CPED1: variants seen among roughly 807,000 people sequenced by gnomAD.
CPED1 encodes the protein cadherin-like and PC-esterase domain-containing protein 1.
Under a neutral mutation model 128.2 loss-of-function variants are expected in CPED1, and 114 were observed. The ratio of observed to expected loss-of-function variants is 0.89; its 90% CI spans 0.76 to 1.04. The LOEUF is 1.04. Among genes scored for constraint, CPED1 ranks in the 50% least tolerant of loss-of-function variants. The pLI is 0.00. For missense variants in CPED1, 1,211 were observed against 1,207.1 expected, an observed-to-expected ratio of 1.00 and a Z score of -0.05; for synonymous variants, 462 against 426.7, an observed-to-expected ratio of 1.08 and a Z score of -1.02.
In CPED1 at chr7:121,080,501, T is replaced by G. The variant is rs116377108; in HGVS notation, c.616+16188T>G. ...TGCAGAAGTGGTCAAACTTTTTATT[T>G]TGAAGCCATCAGGGGCTCTGCCTGG... On this transcript the variant is annotated intron_variant, in intron 5 of 22. Transcript: ENST00000310396. 7.5e-3 allele frequency among the ~76,000 whole-genome samples: 1,147 copies of G among 152,246 alleles called. 16 individuals are homozygous for G. The highest frequency in any genetic ancestry group is 0.026 in the African/African-American group (1,066 of 41,546).
At chr7:121,236,899 T>G (rs561394220) in intron 17 of CPED1, 68 bp downstream of exon 17, 1 of 712,090 alleles carries the variant, frequency 1.4e-6, no homozygotes, top group Non-Finnish European at 2.3e-6. Context: ...TGTATGCTTA[T>G]TTAAACTATC....
chr7:121,137,214 C>T (rs1309791978), intron 14 of CPED1, among the ~76,000 whole-genome samples: 2 of 151,576 alleles, frequency 1.3e-5, no homozygotes, highest in African/African-American at 2.4e-5. Context: ...CTTTGTTGTC[C>T]TTGCTGGAGT....
rs150239714 is a variant in CPED1, at chr7:121,065,984, G to GT, written c.616+1675dup. Among the ~76,000 whole-genome samples the GT allele has an allele frequency of 7.0e-3, 1,065 of 152,100 alleles. 18 individuals carry two copies. Among genetic ancestry groups the GT allele is most frequent in the African/African-American group, 0.024 (1,014 of 41,512 alleles). ...TCTGCAGCATTATTTTCTGATCTAAGTTTTATAAAGCGTAGCTTTTGTTGT... is the reference window on the plus strand; with the variant it reads ...TCTGCAGCATTATTTTCTGATCTAAGTTTTTATAAAGCGTAGCTTTTGTTGT... On this transcript the variant is annotated intron_variant, in intron 5 of 22. Coordinates refer to ENST00000310396, the MANE Select transcript of CPED1 (RefSeq NM_024913.5).
At chr7:121,201,224 T>G (rs1269119648) in intron 16 of CPED1, among the ~76,000 whole-genome samples, 3 of 151,816 alleles carry the variant, frequency 2.0e-5, no homozygotes, top group African/African-American at 4.8e-5. Flanking sequence ...AGAAATAAAT[T>G]ATTATCAAGA....
chr7:121,101,382 T>A (rs1253947745), intron 7 of CPED1, among the ~76,000 whole-genome samples: 1 of 152,176 alleles, frequency 6.6e-6, no homozygotes, highest in Non-Finnish European at 1.5e-5. Context: ...TCCTTAATCT[T>A]TAATTCTAAA....
At chr7:121,265,688 T>C (rs892239787) in intron 18 of CPED1, among the ~76,000 whole-genome samples, 1 of 151,944 alleles carries the variant, frequency 6.6e-6, no homozygotes, top group Non-Finnish European at 1.5e-5. Flanking sequence ...GGAGGGGATG[T>C]GGGTAAGAGG....
At chr7:121,078,661 C>T (rs1199382983) in intron 5 of CPED1, among the ~76,000 whole-genome samples, 2 of 152,134 alleles carry the variant, frequency 1.3e-5, no homozygotes, top group African/African-American at 4.8e-5. Flanking sequence ...GAGAAGATGG[C>T]TGCCAGGTAC....
intron 3 of CPED1, among the ~76,000 whole-genome samples, chr7:121,017,272 AAAG>A (rs1792327018): frequency 6.6e-6 from 1 of 152,144 alleles, no homozygotes; most frequent in African/African-American, 2.4e-5. Context: ...CAAATGAGGA[AAAG>A]AAAACAAAAT....
intron 22 of CPED1, among the ~76,000 whole-genome samples, chr7:121,295,074 A>G (rs1480133008): frequency 6.6e-6 from 1 of 151,820 alleles, no homozygotes; most frequent in Non-Finnish European, 1.5e-5. Flanking sequence ...GGCCTGGCAA[A>G]GGCACACCAG....
At chr7:121,220,169 A>C (rs1171097322) in intron 16 of CPED1, among the ~76,000 whole-genome samples, 3 of 152,056 alleles carry the variant, frequency 2.0e-5, no homozygotes, top group African/African-American at 4.8e-5. Context: ...AAAGTTGAAG[A>C]AGCTTAATTT....
chr7:121,286,897 A>T (rs1792590361), intron 22 of CPED1, among the ~76,000 whole-genome samples: 1 of 152,170 alleles, frequency 6.6e-6, no homozygotes, highest in South Asian at 2.1e-4. Flanking sequence ...AGCATGGCTG[A>T]GGAGGCCTCA....
At chr7:121,061,569 T>C (rs1437049791) in intron 4 of CPED1, among the ~76,000 whole-genome samples, 1 of 152,130 alleles carries the variant, frequency 6.6e-6, no homozygotes, top group Non-Finnish European at 1.5e-5. Context: ...AGGGAGTATA[T>C]GGGAAATCTC....
chr7:121,112,471 A>T (rs918078354), intron 7 of CPED1, among the ~76,000 whole-genome samples: 2 of 45,788 alleles, frequency 4.4e-5, no homozygotes, highest in African/African-American at 1.5e-4. Context: ...CCACAAGCCA[A>T]GGAATGCCAA....
At chr7:121,011,979 A>G (rs1198701366) in intron 2 of CPED1, among the ~76,000 whole-genome samples, 1 of 152,176 alleles carries the variant, frequency 6.6e-6, no homozygotes, top group Non-Finnish European at 1.5e-5. Flanking sequence ...CATATTGAAA[A>G]TTCATTTAAT....
intron 2 of CPED1, among the ~76,000 whole-genome samples, chr7:121,014,275 G>T (rs547870692): frequency 6.6e-6 from 1 of 152,158 alleles, no homozygotes; most frequent in African/African-American, 2.4e-5. Context: ...GAATTGGGCC[G>T]GGTGCGGTGG....
intron 16 of CPED1, among the ~76,000 whole-genome samples, chr7:121,229,045 A>G (rs1798080969): frequency 6.6e-6 from 1 of 152,002 alleles, no homozygotes; most frequent in Admixed American, 6.6e-5. Flanking sequence ...ACAGTAAGAC[A>G]GAAGGAATAA....
intron 3 of CPED1, among the ~76,000 whole-genome samples, chr7:121,023,989 CTTTA>C (rs1179899619): frequency 3.9e-5 from 6 of 152,022 alleles, no homozygotes; most frequent in Admixed American, 3.9e-4. Flanking sequence ...TGCTTCTGTA[CTTTA>C]TTTAGTTAAT....
At chr7:121,020,623 G>A (rs1191119661) in intron 3 of CPED1, among the ~76,000 whole-genome samples, 1 of 151,674 alleles carries the variant, frequency 6.6e-6, no homozygotes, top group African/African-American at 2.4e-5. Context: ...GGATTTGAAG[G>A]TTTACAATAA....
chr7:121,211,642 A>G (rs1251131067), intron 16 of CPED1, among the ~76,000 whole-genome samples: 3 of 146,778 alleles, frequency 2.0e-5, no homozygotes, highest in African/African-American at 7.5e-5. Context: ...CAGAAGGCAG[A>G]TCTGCTGAGC....
Sources: gnomAD v4.1 joint callset for allele counts (sites outside exome capture counted in the v4.1 genomes callset) on GRCh38, gnomAD v4.1.1 for gene constraint, MANE v1.5 for transcripts, NCBI Gene and HGNC (gene_info 2026-07-23, HGNC 2026-07-21) for gene names.